The following SDK1 variants were observed in gnomAD, a reference collection of about 807,000 sequenced individuals.
The protein encoded by SDK1 is sidekick cell adhesion molecule 1.
SDK1 carries 157 observed loss-of-function variants against 245.5 expected under a neutral mutation model. The ratio of observed to expected loss-of-function variants is 0.64; its 90% CI spans 0.56 to 0.73. SDK1 has a LOEUF of 0.73. SDK1 is among the 30% of genes least tolerant of loss of function. SDK1 has a pLI of 0.00. For synonymous variants in SDK1, 1,647 were observed against 1,278.5 expected (o/e 1.29, Z -6.15); for missense variants, 3,583 against 3,002.3 (o/e 1.19, Z -4.52).
chr7:4,019,554 A>G (rs927048682), intron 17 of SDK1, among the ~76,000 whole-genome samples: 15 of 152,076 alleles, frequency 9.9e-5, no homozygotes. Context: ...TTTTTCCCAT[A>G]TGTGATGAGA....
intron 17 of SDK1, among the ~76,000 whole-genome samples, chr7:4,031,387 T>C (rs946371556): frequency 6.6e-6 from 1 of 152,176 alleles, no homozygotes; most frequent in African/African-American, 2.4e-5. Flanking sequence ...AAAGGAAAAG[T>C]TTACTAGCCA....
At chr7:3,702,424 T>C (rs1365998955) in intron 4 of SDK1, among the ~76,000 whole-genome samples, 1 of 152,204 alleles carries the variant, frequency 6.6e-6, no homozygotes. Context: ...AAGTGTGTAT[T>C]CGTGGCTCCT....
chr7:3,482,124 A>C lies in SDK1; in HGVS notation c.299-136956A>C, dbSNP rs572567166. Among the ~76,000 whole-genome samples, 4 of 152,248 alleles carry C rather than the reference A, an allele frequency of 2.6e-5. 1 individual carries two copies. Among genetic ancestry groups the C allele is most frequent in the Admixed American group, 2.6e-4 (4 of 15,282 alleles). On this transcript the variant is annotated intron_variant, in intron 1 of 44. Coordinates refer to ENST00000404826, the MANE Select transcript of SDK1 (RefSeq NM_152744.4). ...GACATTGTAAAGCTATAGGAATAAA[A>C]TAGGGTAATACTGGTGTGTAAAAAA...
chr7:3,510,779 C>G (rs1478652412), intron 1 of SDK1, among the ~76,000 whole-genome samples: 1 of 152,156 alleles, frequency 6.6e-6, no homozygotes, highest in Non-Finnish European at 1.5e-5. Context: ...TCAGTCTCTC[C>G]TACATCCAAG....
chr7:3,529,992 G>T (rs1783285416), intron 1 of SDK1, among the ~76,000 whole-genome samples: 1 of 152,230 alleles, frequency 6.6e-6, no homozygotes, highest in African/African-American at 2.4e-5. Flanking sequence ...TACCTTTGTG[G>T]ATACAAGTCT....
chr7:3,566,720 CAAAAA>C (rs908670320), intron 1 of SDK1, among the ~76,000 whole-genome samples: 3 of 72,596 alleles, frequency 4.1e-5, no homozygotes, highest in Non-Finnish European at 6.0e-5. Context: ...AAACTACTGC[CAAAAA>C]AAAAAAAAAA....
chr7:4,229,377 G>A (rs1785612922), intron 40 of SDK1, among the ~76,000 whole-genome samples: 1 of 152,208 alleles, frequency 6.6e-6, no homozygotes, highest in Non-Finnish European at 1.5e-5. Context: ...TGTTAATTCA[G>A]AAGGAAATTA....
At chr7:3,875,837 G>A (rs966171894) in intron 5 of SDK1, among the ~76,000 whole-genome samples, 4 of 152,068 alleles carry the variant, frequency 2.6e-5, no homozygotes, top group Non-Finnish European at 2.9e-5. Context: ...CCACCTTCAG[G>A]CCCCTTAATA....
At chr7:4,134,666 CCCT>C (rs1778937414) in intron 28 of SDK1, 1 of 152,432 alleles carries the variant, frequency 6.6e-6, no homozygotes, top group African/African-American at 2.4e-5. Context: ...CTGGCAGGGC[CCCT>C]GGCTCCCACT....
chr7:3,704,007 T>A (rs1459640949), intron 4 of SDK1, among the ~76,000 whole-genome samples: 1 of 152,322 alleles, frequency 6.6e-6, no homozygotes, highest in East Asian at 1.9e-4. Context: ...ACCCATCACC[T>A]GAGTATTGTA....
intron 1 of SDK1, among the ~76,000 whole-genome samples, chr7:3,610,412 CTTAT>C (rs1781551909): frequency 6.6e-6 from 1 of 152,154 alleles, no homozygotes; most frequent in Non-Finnish European, 1.5e-5. Context: ...TAACCTTACT[CTTAT>C]TTTGGTTGGT....
intron 1 of SDK1, among the ~76,000 whole-genome samples, chr7:3,563,030 C>A (rs568655988): frequency 8.5e-5 from 13 of 152,210 alleles, no homozygotes; most frequent in Non-Finnish European, 1.3e-4. Context: ...AGCTAAACTT[C>A]TAGATGTTAC....
At chr7:3,862,289 C>G (rs1780713060) in intron 5 of SDK1, among the ~76,000 whole-genome samples, 1 of 152,164 alleles carries the variant, frequency 6.6e-6, no homozygotes, top group African/African-American at 2.4e-5. Flanking sequence ...GCGCTAGTAC[C>G]TTTTCAAGTT....
chr7:4,015,122 T>C (rs1047860441), intron 16 of SDK1, among the ~76,000 whole-genome samples: 9 of 152,164 alleles, frequency 5.9e-5, no homozygotes, highest in African/African-American at 2.2e-4. Context: ...TTACATTCAG[T>C]GTCTCCTTTG....
In SDK1 at chr7:4,221,369, G is replaced by A. The variant is rs757800467; in HGVS notation, c.5827+5G>A. On this transcript the variant is annotated splice_donor_5th_base_variant and intron_variant, in intron 40 of 44. Coordinates refer to ENST00000404826, the MANE Select transcript of SDK1 (RefSeq NM_152744.4). ...TGATCGAGGCCCGGCCCTCAGGTAGGGTGGCAGGCCCCACAAACGGGGTCT... is the reference window on the plus strand; with the variant it reads ...TGATCGAGGCCCGGCCCTCAGGTAGAGTGGCAGGCCCCACAAACGGGGTCT... 10 of 1,602,146 alleles carry A rather than the reference G, an allele frequency of 6.2e-6. No homozygotes were observed. Among genetic ancestry groups the A allele is most frequent in the Admixed American group, 5.1e-5 (3 of 58,432 alleles).
At chr7:4,206,446 C>T (rs916076524) in intron 36 of SDK1, among the ~76,000 whole-genome samples, 3 of 152,140 alleles carry the variant, frequency 2.0e-5, no homozygotes, top group Non-Finnish European at 2.9e-5. Flanking sequence ...TTGATTCGGT[C>T]GGTCCAGGGT....
At chr7:3,523,455 G>T (rs905608333) in intron 1 of SDK1, among the ~76,000 whole-genome samples, 5 of 152,136 alleles carry the variant, frequency 3.3e-5, no homozygotes, top group African/African-American at 1.2e-4. Context: ...AGTTACCACT[G>T]AGTGCTAGAT....
At chr7:3,640,466 G>C (rs1222608468) in intron 3 of SDK1, among the ~76,000 whole-genome samples, 3 of 152,096 alleles carry the variant, frequency 2.0e-5, no homozygotes, top group East Asian at 3.9e-4. Flanking sequence ...TCACTAGGAA[G>C]GCTTAAATTT....
At chr7:3,794,953 A>C (rs772966745) in intron 4 of SDK1, among the ~76,000 whole-genome samples, 21 of 152,094 alleles carry the variant, frequency 1.4e-4, no homozygotes, top group African/African-American at 5.1e-4. Flanking sequence ...AAAGATCACT[A>C]TTCATGTTGT....
Sources: allele counts gnomAD v4.1 joint callset (sites outside exome capture counted in the v4.1 genomes callset), GRCh38; gene constraint gnomAD v4.1.1; transcripts MANE v1.5; gene names NCBI Gene and HGNC (gene_info 2026-07-23, HGNC 2026-07-21).